Variants in GZF1 observed in about 807,000 individuals in gnomAD.
The protein encoded by GZF1 is GDNF-inducible zinc finger protein 1.
Under a neutral mutation model 49.4 loss-of-function variants are expected in GZF1, and 28 were observed. The ratio of observed to expected loss-of-function variants is 0.57; its 90% CI spans 0.42 to 0.78. The LOEUF (loss-of-function observed/expected upper bound fraction) is 0.78. Ranked by LOEUF, GZF1 falls within the 30% of genes least tolerant of loss-of-function variation. The pLI, the probability that GZF1 is intolerant of heterozygous loss-of-function variation, is 0.00. For synonymous variants in GZF1, 364 were observed against 356.0 expected (o/e 1.02, Z -0.25); for missense variants, 798 against 916.2 (o/e 0.87, Z 1.67).
chr20:23,364,502 A>G lies in GZF1; in HGVS notation c.119A>G (p.Gln40Arg), dbSNP rs1396192150. The G allele has an allele frequency of 1.2e-6, 2 of 1,614,240 alleles. No individual in the cohort carries two copies. Among genetic ancestry groups the G allele is most frequent in the South Asian group, 1.1e-5 (1 of 91,088 alleles). ...GACGTGACAGTCAGCGTGGAGTATC[A>G]GGGTGTCCGCAAAGACTTCATGGCC... The part of the protein sequence containing the change: ...LCDVTVSVEY[Q>R]GVRKDFMAHK... The change falls in exon 2 of 6, where the codon CAG becomes CGG. Residue 40 changes from glutamine (Q) to arginine (R), a missense_variant. Gln to Arg is a conservative substitution (Grantham distance 43). Around this residue, in one of 3 missense-constraint regions of GZF1, gnomAD observed 105 missense variants for 147.5 expected, o/e 0.71. Transcript: ENST00000338121.
chr20:23,367,998 G>A (rs1264828585), intron 3 of GZF1, among the ~76,000 whole-genome samples: 1 of 152,192 alleles, frequency 6.6e-6, no homozygotes, highest in Non-Finnish European at 1.5e-5. Context: ...TTAGACACCA[G>A]TTCTGCTCAT....
chr20:23,367,661 G>T (rs1981557189), intron 3 of GZF1, among the ~76,000 whole-genome samples: 1 of 152,182 alleles, frequency 6.6e-6, no homozygotes, highest in Non-Finnish European at 1.5e-5. Flanking sequence ...GCACATAAAA[G>T]ACCAGAAGAA....
rs554364392 is a variant in GZF1, at chr20:23,372,466, T to G, written c.*2025T>G. ...GCAGTGGGATCCTGGAGAGGAGAAA[T>G]CCTGGCCTCTGCTCATGCGCAGGCC... On this transcript the variant is annotated 3_prime_UTR_variant, in exon 6 of 6. Coordinates refer to ENST00000338121, the MANE Select transcript of GZF1 (RefSeq NM_022482.5). 1 of 152,294 alleles carries G rather than the reference T, an allele frequency of 6.6e-6. No homozygotes were observed. The highest frequency in any genetic ancestry group is 1.9e-4 in the East Asian group (1 of 5,188). The allele number at this position is 152,294 out of a possible 1,614,324, so 9.4% of individuals were successfully genotyped here.
At chr20:23,367,153 AATTG>A (rs1226693337) in intron 3 of GZF1, 56 bp downstream of exon 3, 22 of 1,267,850 alleles carry the variant, frequency 1.7e-5, no homozygotes, top group Admixed American at 5.1e-5. Context: ...AAGGAAATGC[AATTG>A]ATTAATTTTG....
Position 23,373,030 on chromosome 20 carries a change from C to A in GZF1, c.*2589C>A, listed in dbSNP as rs1005452966. ...TTTAATTTTTAACCTGTTAAATAAA[C>A]CTTGTCCCTCCAAGGAGTTCATTTT... On this transcript the variant is annotated 3_prime_UTR_variant, in exon 6 of 6. Coordinates refer to ENST00000338121, the MANE Select transcript of GZF1 (RefSeq NM_022482.5). 5 of 152,162 alleles carry A rather than the reference C, an allele frequency of 3.3e-5. No individual in the cohort carries two copies. Among genetic ancestry groups the A allele is most frequent in the South Asian group, 2.1e-4 (1 of 4,832 alleles). The allele number at this position is 152,162 out of a possible 1,614,324, so 9.4% of individuals were successfully genotyped here.
Position 23,365,721 on chromosome 20 carries a change from GCCGT to G in GZF1, c.1342_1345del (p.Ser448ArgfsTer6). 6.5e-7 allele frequency: 1 copy of G among 1,550,078 alleles called. No homozygotes were observed. The highest frequency in any genetic ancestry group is 8.7e-7 in the Non-Finnish European group (1 of 1,153,346). ...CCGAGTGCGGCGCCAGGTTCTCGCA[GCCGT>G]CCGCGCTCAAGACGCACATGAGGTA... On this transcript the variant is annotated frameshift_variant, in exon 2 of 6. Coordinates refer to ENST00000338121, the MANE Select transcript of GZF1 (RefSeq NM_022482.5). LOFTEE classifies it high-confidence loss of function.
At position 23,371,530 on chromosome 20, in the gene GZF1, G is replaced by C. The variant is rs938016855; in HGVS notation, c.*1089G>C. ...TATGCCTTAAAGAGTTGATTGTGAA[G>C]AACCAGTAACTTTGTCCCAAATGCT... On this transcript the variant is annotated 3_prime_UTR_variant, in exon 6 of 6. Coordinates refer to ENST00000338121, the MANE Select transcript of GZF1 (RefSeq NM_022482.5). The C allele has an allele frequency of 6.6e-6, 1 of 152,664 alleles. No individual in the cohort carries two copies. 9.5% of individuals were successfully genotyped at this position (152,664 alleles called of 1,614,324 possible). A position where few individuals can be genotyped will look rare whatever the true frequency, so the allele number is the denominator to read the frequency against.
rs771167838 is a variant in GZF1, at chr20:23,365,054, G to A, written c.671G>A (p.Gly224Glu). ...TACCCTAAAATCAGGAGAGCTAGTG[G>A]AAGGCTGGCTGGGAGGAAGGTCTTT... ...PPYPKIRRAS[G>E]RLAGRKVFVE... Residue 224 changes from glycine (G) to glutamate (E), a missense_variant, in exon 2 of 6, where the codon GGA becomes GAA. Gly to Glu is a moderately conservative substitution (Grantham distance 98). Transcript: ENST00000338121. 27 of 1,614,020 alleles carry A rather than the reference G, an allele frequency of 1.7e-5. No individual in the cohort carries two copies. In the South Asian group the frequency reaches 2.9e-4, roughly 17 times the overall value.
rs1340136551 is a variant in GZF1 at position 23,370,342 on chromosome 20, G to A, written c.2037G>A (p.Gln679=). Residue 679 remains glutamine, a synonymous_variant, in exon 6 of 6, where the codon CAG becomes CAA. Coordinates refer to ENST00000338121, the MANE Select transcript of GZF1 (RefSeq NM_022482.5). ...ACKADDSVVS[Q]DTLLATTISE... is the part of the protein sequence containing the mutation. Reference sequence around the variant, plus strand: ...AGGCAGATGACTCCGTGGTGTCCCAGGACACCCTCCTGGCCACCACCATCA... The same window carrying A: ...AGGCAGATGACTCCGTGGTGTCCCAAGACACCCTCCTGGCCACCACCATCA... 1 of 1,614,030 alleles carries A rather than the reference G, an allele frequency of 6.2e-7. No homozygotes were observed. Among genetic ancestry groups the A allele is most frequent in the South Asian group, 1.1e-5 (1 of 91,054 alleles).
In GZF1 at chr20:23,372,328, A is replaced by G. The variant is rs1388285557; in HGVS notation, c.*1887A>G. On this transcript the variant is annotated 3_prime_UTR_variant, in exon 6 of 6. Coordinates refer to ENST00000338121, the MANE Select transcript of GZF1 (RefSeq NM_022482.5). ...GAAATATGATTCTTAATTGAAACAT[A>G]TAATTTGCTTAATTACGTGAATAAT... The G allele has an allele frequency of 1.3e-5, 2 of 152,306 alleles. No homozygotes were observed. Among genetic ancestry groups the G allele is most frequent in the Non-Finnish European group, 2.9e-5 (2 of 68,034 alleles). 9.4% of individuals were successfully genotyped at this position (152,306 alleles called of 1,614,324 possible).
Position 23,365,017 on chromosome 20 carries a change from G to A in GZF1, c.634G>A (p.Val212Ile). The change falls in exon 2 of 6, where the codon GTT (valine) becomes ATT (isoleucine). Residue 212 changes from valine (V) to isoleucine (I), a missense_variant. Val to Ile is a conservative substitution (Grantham distance 29, BLOSUM62 3). Around this residue, in one of 3 missense-constraint regions of GZF1, gnomAD observed 247 missense variants for 228.5 expected, o/e 1.08. Coordinates refer to ENST00000338121, the MANE Select transcript of GZF1 (RefSeq NM_022482.5). Reference sequence around the variant, plus strand: ...CAAACTAGACAAGAAGAAAGAGGTAGTTAAACCTCCCTACCCTAAAATCAG... The same window carrying A: ...CAAACTAGACAAGAAGAAAGAGGTAATTAAACCTCCCTACCCTAAAATCAG... ...KDKLDKKKEV[V>I]KPPYPKIRRA... The A allele has an allele frequency of 6.2e-7, 1 of 1,614,224 alleles. No individual in the cohort carries two copies. Among genetic ancestry groups the A allele is most frequent in the Non-Finnish European group, 8.5e-7 (1 of 1,180,046 alleles).
chr20:23,366,425 A>C (rs1049226015), intron 2 of GZF1, among the ~76,000 whole-genome samples: 3 of 152,300 alleles, frequency 2.0e-5, no homozygotes, highest in Non-Finnish European at 1.5e-5. Flanking sequence ...TCTATATAAT[A>C]AGTTAAAAAT....
At position 23,364,570 on chromosome 20, in the gene GZF1, G is replaced by A. The variant is rs745765108; in HGVS notation, c.187G>A (p.Val63Met). Residue 63 changes from valine to methionine, a missense_variant, in exon 2 of 6, where the codon GTG (valine) becomes ATG (methionine). Transcript: ENST00000338121. ...LAATSKFFKE[V>M]FLNEKSVDGT... ...TGCCACCAGCAAGTTTTTTAAGGAA[G>A]TGTTCCTTAATGAGAAGAGTGTGGA... 6.2e-7 allele frequency: 1 copy of A among 1,614,226 alleles called. No homozygotes were observed. Among genetic ancestry groups the A allele is most frequent in the Non-Finnish European group, 8.5e-7 (1 of 1,180,038 alleles).
intron 1 of GZF1, 85 bp downstream of exon 1, chr20:23,362,322 AC>A (rs1980759117): frequency 1.3e-5 from 2 of 151,744 alleles, no homozygotes; most frequent in African/African-American, 4.9e-5. Context: ...TGCTCTGTGG[AC>A]CTGCGCGTCT....
At position 23,364,985 on chromosome 20, in the gene GZF1, C is replaced by G. The variant is rs749660430; in HGVS notation, c.602C>G (p.Ser201Cys). The G allele has an allele frequency of 1.2e-6, 2 of 1,614,174 alleles. No individual in the cohort carries two copies. ...GMSSDLPPKK[S>C]KDKLDKKKEV... ...TCTTCAGATTTGCCACCGAAGAAGT[C>G]CAAGGACAAACTAGACAAGAAGAAA... is the stretch of plus-strand genomic sequence containing the variant. The change falls in exon 2 of 6, where the codon TCC (serine) becomes TGC (cysteine). Residue 201 changes from serine (S) to cysteine (C), a missense_variant. Coordinates refer to ENST00000338121, the MANE Select transcript of GZF1 (RefSeq NM_022482.5).
intron 1 of GZF1, among the ~76,000 whole-genome samples, chr20:23,363,041 C>G (rs1286598196): frequency 6.6e-6 from 1 of 152,200 alleles, no homozygotes; most frequent in Non-Finnish European, 1.5e-5. Flanking sequence ...TGGGGCGTCT[C>G]CTTCAGGCGA....
At chr20:23,365,871 G>T in intron 2 of GZF1, 124 bp downstream of exon 2, 1 of 1,383,650 alleles carries the variant, frequency 7.2e-7, no homozygotes, top group Non-Finnish European at 9.5e-7. Flanking sequence ...GGCTTATTTC[G>T]AGACAGCGTT....
chr20:23,369,822 C>A, intron 5 of GZF1, 81 bp downstream of exon 5: 2 of 1,443,028 alleles, frequency 1.4e-6, no homozygotes, highest in Non-Finnish European at 1.9e-6. Context: ...CACCATTCTC[C>A]AAGGTGGTTA....
upstream of GZF1, among the ~76,000 whole-genome samples, chr20:23,361,793 T>TGCTGGGGCCCGGAAGC (rs1355182854): frequency 6.6e-6 from 1 of 152,216 alleles, no homozygotes; most frequent in Non-Finnish European, 1.5e-5. Context: ...GACCGCAGGC[T>TGCTGGGGCCCGGAAGC]GCTGGGGCCC....
Sources: allele counts gnomAD v4.1 joint callset (sites outside exome capture counted in the v4.1 genomes callset), GRCh38; gene constraint gnomAD v4.1.1; regional missense constraint gnomAD v4.1.1; transcripts MANE v1.5; gene names NCBI Gene and HGNC (gene_info 2026-07-23, HGNC 2026-07-21).